The following PIGR variants were observed in gnomAD, a reference collection of about 807,000 sequenced individuals.
The protein encoded by PIGR is polymeric immunoglobulin receptor, also known as hepatocellular carcinoma associated protein TB6.
In PIGR, 22 loss-of-function variants were observed where a neutral mutation model predicts 69.5. That is an observed-to-expected ratio of 0.32 (90% CI 0.23 to 0.45). The LOEUF is 0.45. PIGR is among the 20% of genes least tolerant of loss of function. The probability of loss-of-function intolerance (pLI) is 1.00; values close to 1 mark genes in which losing one functional copy is unlikely to be tolerated. For missense variants in PIGR, 885 were observed against 974.0 expected (o/e 0.91, Z 1.22); for synonymous variants, 413 against 407.6 (o/e 1.01, Z -0.16).
Position 206,937,517 on chromosome 1 carries a change from T to C in PIGR, c.623A>G (p.Asn208Ser). The C allele has an allele frequency of 6.2e-7, 1 of 1,614,188 alleles. No homozygotes were observed. Among genetic ancestry groups the C allele is most frequent in the East Asian group, 2.2e-5 (1 of 44,890 alleles). ...CCCAGCATCGCTGAGCCTGAGTTGGTTGATGACAACGCTGAACAGTAACTG... is the reference window on the plus strand; with the variant it reads ...CCCAGCATCGCTGAGCCTGAGTTGGCTGATGACAACGCTGAACAGTAACTG... ...TGQLLFSVVI[N>S]QLRLSDAGQY... The change falls in exon 4 of 11, where the codon AAC becomes AGC. Residue 208 changes from asparagine (N) to serine (S), a missense_variant. Transcript: ENST00000356495.
At chr1:206,942,547 G>T (rs1680007329) in intron 1 of PIGR, among the ~76,000 whole-genome samples, 1 of 152,212 alleles carries the variant, frequency 6.6e-6, no homozygotes, top group South Asian at 2.1e-4. Context: ...CTTGCTTCTT[G>T]TTCCTGTCCT....
Position 206,939,473 on chromosome 1 carries a change from C to A in PIGR, c.44-10G>T. The A allele has an allele frequency of 1.3e-6, 2 of 1,577,548 alleles. No individual in the cohort carries two copies. Among genetic ancestry groups the A allele is most frequent in the Non-Finnish European group, 1.7e-6 (2 of 1,154,476 alleles). ...CTCTTCGTGGAGATGGCTGTGGGAA[C>A]AGAAGAGAGAGGCTTTCTGAGGCCC... On this transcript the variant is annotated splice_polypyrimidine_tract_variant and intron_variant, in intron 2 of 10. Transcript: ENST00000356495.
rs746361037 is a variant in PIGR at position 206,931,533 on chromosome 1, G to A, written c.2163C>T (p.Ser721=). The change falls in exon 10 of 11, where the codon AGC becomes AGT. Residue 721 remains serine, a synonymous_variant. Transcript: ENST00000356495. ...GKEEFVATTE[S]TTETKEPKKA... ...TCTTGGGTTCTTTGGTCTCTGTGGT[G>A]CTCTCAGTGGTGGCAACAAACTCTG... The A allele has an allele frequency of 6.2e-7, 1 of 1,614,062 alleles. No homozygotes were observed. Among genetic ancestry groups the A allele is most frequent in the South Asian group, 1.1e-5 (1 of 91,076 alleles).
intron 7 of PIGR, 125 bp from the exon 8 acceptor site, chr1:206,932,702 C>G: frequency 8.5e-7 from 1 of 1,178,716 alleles, no homozygotes; most frequent in Non-Finnish European, 1.2e-6. Context: ...TGATGCAGCT[C>G]CCTAGCTCTG....
intron 6 of PIGR, among the ~76,000 whole-genome samples, chr1:206,934,051 G>A (rs544327985): frequency 2.6e-5 from 4 of 152,140 alleles, no homozygotes; most frequent in East Asian, 1.9e-4. Flanking sequence ...TAGTAGAGAC[G>A]AGTTTTCTCC....
chr1:206,939,562 T>A, intron 2 of PIGR, 99 bp from the exon 3 acceptor site: 1 of 743,716 alleles, frequency 1.3e-6, no homozygotes, highest in East Asian at 2.5e-5. Context: ...ACCTGACACG[T>A]AGGCCCTGTG....
Position 206,934,592 on chromosome 1 carries a change from T to C in PIGR, c.1533A>G (p.Glu511=), listed in dbSNP as rs1380284072. The C allele has an allele frequency of 6.2e-7, 1 of 1,614,242 alleles. No homozygotes were observed. Among genetic ancestry groups the C allele is most frequent in the Non-Finnish European group, 8.5e-7 (1 of 1,180,040 alleles). ...TGCQALPSQD[E]GPSKAFVNCD... is the part of the protein sequence containing the mutation. ...AGTTCACGAAGGCCTTGCTGGGGCC[T>C]TCGTCTTGGCTGGGCAGGGCCTGGC... The change falls in exon 6 of 11, where the codon GAA becomes GAG. Residue 511 remains glutamate (E), a synonymous_variant. Coordinates refer to ENST00000356495, the MANE Select transcript of PIGR (RefSeq NM_002644.4).
chr1:206,937,576 T>G lies in PIGR; in HGVS notation c.564A>C (p.Thr188=). Residue 188 remains threonine (T), a synonymous_variant, in exon 4 of 11, where the codon ACA becomes ACC. Transcript: ENST00000356495. ...CCTGAATATCAAGGCGTATTCTTCC[T>G]GTATAGTTGGGATTTACATAACCAC... ...DSSGYVNPNY[T]GRIRLDIQGT... is the part of the protein sequence containing the mutation. 1 of 1,614,158 alleles carries G rather than the reference T, an allele frequency of 6.2e-7. No individual in the cohort carries two copies. The highest frequency in any genetic ancestry group is 8.5e-7 in the Non-Finnish European group (1 of 1,180,008).
intron 2 of PIGR, 136 bp from the exon 3 acceptor site, chr1:206,939,599 G>A (rs1679941173): frequency 1.8e-6 from 1 of 564,226 alleles, no homozygotes; most frequent in East Asian, 2.9e-5. Flanking sequence ...TATCACAGCT[G>A]GAAAATTGCT....
At chr1:206,934,286 T>G (rs1444414816) in intron 6 of PIGR, 134 bp downstream of exon 6, 3 of 711,210 alleles carry the variant, frequency 4.2e-6, no homozygotes, top group Non-Finnish European at 6.9e-6. Flanking sequence ...GTCCCCTCCC[T>G]TCCCACTCTC....
At chr1:206,943,187 G>T (rs1360213861) in intron 1 of PIGR, among the ~76,000 whole-genome samples, 1 of 152,136 alleles carries the variant, frequency 6.6e-6, no homozygotes, top group Admixed American at 6.5e-5. Context: ...TGCTTTGCTA[G>T]GTTCTTTTCT....
chr1:206,945,701 G>T (rs1680092149), intron 1 of PIGR, among the ~76,000 whole-genome samples: 1 of 152,228 alleles, frequency 6.6e-6, no homozygotes, highest in African/African-American at 2.4e-5. Context: ...AGCTGAACAT[G>T]CCTTTGCCAG....
rs1286582145 is a variant in PIGR, at chr1:206,939,234, G to A, written c.273C>T (p.Gly91=). Reference sequence around the variant, plus strand: ...GCTGGGCAATGTTCACCACAAATGTGCCGTTCTCCGGGAAGTTGGTGAGGT... The same window carrying A: ...GCTGGGCAATGTTCACCACAAATGTACCGTTCTCCGGGAAGTTGGTGAGGT... ...RANLTNFPEN[G]TFVVNIAQLS... The change falls in exon 3 of 11, where the codon GGC becomes GGT. Residue 91 remains glycine, a synonymous_variant. Coordinates refer to ENST00000356495, the MANE Select transcript of PIGR (RefSeq NM_002644.4). The A allele has an allele frequency of 6.2e-7, 1 of 1,614,194 alleles. No homozygotes were observed. The highest frequency in any genetic ancestry group is 1.1e-5 in the South Asian group (1 of 91,088).
intron 2 of PIGR, among the ~76,000 whole-genome samples, chr1:206,940,198 C>T (rs729039): frequency 7.8e-4 from 119 of 152,258 alleles, no homozygotes; most frequent in Non-Finnish European, 1.3e-3. Flanking sequence ...GATTTCACAG[C>T]GGGTCATAGA....
chr1:206,936,453 A>C (rs1419189211), intron 4 of PIGR, among the ~76,000 whole-genome samples: 1 of 152,044 alleles, frequency 6.6e-6, no homozygotes, highest in African/African-American at 2.4e-5. Context: ...AAAAAAAGTC[A>C]CAAGCACAGA....
intron 3 of PIGR, 32 bp downstream of exon 3, chr1:206,939,087 C>A (rs1679930123): frequency 6.5e-7 from 1 of 1,549,760 alleles, no homozygotes; most frequent in Non-Finnish European, 8.8e-7. Context: ...CTCTAACTTT[C>A]CCCCAGAAGC....
chr1:206,936,810 T>TCCTG (rs1426267778), intron 4 of PIGR, among the ~76,000 whole-genome samples: 1 of 152,136 alleles, frequency 6.6e-6, no homozygotes, highest in African/African-American at 2.4e-5. Flanking sequence ...AGTCTATAAG[T>TCCTG]CCTGCCTCAA....
At chr1:206,937,814 A>G in intron 3 of PIGR, 63 bp from the exon 4 acceptor site, 1 of 1,436,716 alleles carries the variant, frequency 7.0e-7, no homozygotes, top group Non-Finnish European at 9.6e-7. Flanking sequence ...CTTGCAACAT[A>G]GGACTATTTG....
At chr1:206,944,029 T>C (rs1680050543) in intron 1 of PIGR, among the ~76,000 whole-genome samples, 1 of 152,190 alleles carries the variant, frequency 6.6e-6, no homozygotes, top group Non-Finnish European at 1.5e-5. Context: ...ATCAAGAGCA[T>C]AGGCCCTTAG....
Sources: gnomAD v4.1 joint callset for allele counts (sites outside exome capture counted in the v4.1 genomes callset) on GRCh38, gnomAD v4.1.1 for gene constraint, MANE v1.5 for transcripts, NCBI Gene and HGNC (gene_info 2026-07-23, HGNC 2026-07-21) for gene names.